The following PTPRN2 variants were observed in gnomAD, a reference collection of about 807,000 sequenced individuals.
PTPRN2 encodes the protein protein tyrosine phosphatase receptor type N2.
PTPRN2 carries 74 observed loss-of-function variants against 118.8 expected under a neutral mutation model. That is an observed-to-expected ratio of 0.62 (90% CI 0.52 to 0.76). The LOEUF (loss-of-function observed/expected upper bound fraction) is 0.76, where lower values mean the gene tolerates loss of function less well. Among genes scored for constraint, PTPRN2 ranks in the 30% least tolerant of loss-of-function variants. The pLI is 0.00. For missense variants in PTPRN2, 1,481 were observed against 1,394.4 expected (o/e 1.06, Z -0.99); for synonymous variants, 641 against 608.0 (o/e 1.05, Z -0.80).
chr7:158,413,054 TTCTCAGCTCCAGGGCCCG>T lies in PTPRN2; in HGVS notation c.163+76663_163+76680del, dbSNP rs1283253167. Among the ~76,000 whole-genome samples the T allele has an allele frequency of 6.0e-3, 887 of 147,406 alleles. 4 individuals are homozygous for T. The highest frequency in any genetic ancestry group is 0.011 in the Admixed American group (166 of 14,838). ...CAGCTCCAGGGCCCATCCAGTGCCC[TTCTCAGCTCCAGGGCCCG>T]TCTCAGCGCCCTCCTCAGCTCCAGG... is the stretch of plus-strand genomic sequence containing the variant. On this transcript the variant is annotated intron_variant, in intron 2 of 22. Transcript: ENST00000389418.
At chr7:157,657,455 C>A (rs534858975) in intron 13 of PTPRN2, among the ~76,000 whole-genome samples, 38 of 112,344 alleles carry the variant, frequency 3.4e-4, no homozygotes, top group African/African-American at 1.3e-3. Flanking sequence ...ACACATCACA[C>A]ATATACACAC....
Position 157,881,435 on chromosome 7 carries a change from AC to A in PTPRN2, c.1788+17237del, listed in dbSNP as rs1392872443. On this transcript the variant is annotated intron_variant, in intron 12 of 22. Transcript: ENST00000389418. This position sits in a 1 kb window ranked among gnomAD's most constrained non-coding sequence, Gnocchi z 4.7. ...GCCCAGGAGAGAGGCCTTGGGAGAG[AC>A]CAGCCCTGCCCACACCTTGATCTTG... Among the ~76,000 whole-genome samples, 1 of 152,108 alleles carries A rather than the reference AC, an allele frequency of 6.6e-6. No individual in the cohort carries two copies. Among genetic ancestry groups the A allele is most frequent in the Non-Finnish European group, 1.5e-5 (1 of 68,016 alleles).
At chr7:158,085,803 CAT>C (rs1813344664) in intron 10 of PTPRN2, among the ~76,000 whole-genome samples, 2 of 127,172 alleles carry the variant, frequency 1.6e-5, no homozygotes, top group Non-Finnish European at 1.7e-5. Context: ...CCCATCCACA[CAT>C]GCCCATCCAC....
At chr7:158,571,525 CTT>C (rs552051165) in intron 1 of PTPRN2, among the ~76,000 whole-genome samples, 1,694 of 71,720 alleles carry the variant, frequency 0.024, 24 homozygotes, top group African/African-American at 0.071. Flanking sequence ...ACACCTATTT[CTT>C]TTTTTTTTTT....
intron 11 of PTPRN2, among the ~76,000 whole-genome samples, chr7:158,074,264 C>A (rs1812175871): frequency 2.0e-5 from 3 of 152,204 alleles, no homozygotes; most frequent in Admixed American, 1.3e-4. Context: ...CAGCCTCCTG[C>A]CGACGATCCC....
chr7:158,322,155 G>A (rs1054038291), intron 2 of PTPRN2, among the ~76,000 whole-genome samples: 9 of 151,988 alleles, frequency 5.9e-5, no homozygotes, highest in East Asian at 1.9e-4. Flanking sequence ...GGCTGCCTCC[G>A]CCCCACACCC....
chr7:158,179,945 A>G (rs1336691138), intron 5 of PTPRN2, among the ~76,000 whole-genome samples: 4 of 152,258 alleles, frequency 2.6e-5, no homozygotes, highest in African/African-American at 2.4e-5. Flanking sequence ...GTAGCTATAA[A>G]TATGACTGCA....
At chr7:157,989,422 AAAAAG>A (rs1427405072) in intron 11 of PTPRN2, among the ~76,000 whole-genome samples, 8 of 152,328 alleles carry the variant, frequency 5.3e-5, no homozygotes, top group African/African-American at 1.7e-4. Context: ...ACACCTTAGA[AAAAAG>A]AAAAGAAAAG....
intron 22 of PTPRN2, among the ~76,000 whole-genome samples, chr7:157,542,501 C>A (rs183525433): frequency 2.2e-4 from 34 of 151,664 alleles, no homozygotes; most frequent in Admixed American, 7.2e-4. Context: ...AAGCGCTCCA[C>A]CCCCAGGGCC....
intron 2 of PTPRN2, among the ~76,000 whole-genome samples, chr7:158,400,578 C>G (rs1812858560): frequency 6.6e-6 from 1 of 152,190 alleles, no homozygotes; most frequent in Admixed American, 6.5e-5. Context: ...AACAAGAACA[C>G]AAGATGCGCT....
At chr7:158,350,989 G>A (rs971072319) in intron 2 of PTPRN2, among the ~76,000 whole-genome samples, 31 of 152,128 alleles carry the variant, frequency 2.0e-4, no homozygotes, top group Non-Finnish European at 4.6e-4. Context: ...TGCCAGTTCC[G>A]TCAACTGCCT....
At chr7:158,326,052 A>G (rs1803490898) in intron 2 of PTPRN2, among the ~76,000 whole-genome samples, 1 of 152,156 alleles carries the variant, frequency 6.6e-6, no homozygotes, top group African/African-American at 2.4e-5. Flanking sequence ...CTCAGGGCGC[A>G]CTTTCCAGAG....
intron 1 of PTPRN2, among the ~76,000 whole-genome samples, chr7:158,490,232 C>T (rs1821345891): frequency 6.6e-6 from 1 of 152,208 alleles, no homozygotes; most frequent in Non-Finnish European, 1.5e-5. Flanking sequence ...ACGAGCTCCG[C>T]GGGGAGCCCG....
chr7:157,561,841 G>T (rs1456322505), intron 21 of PTPRN2, among the ~76,000 whole-genome samples: 1 of 152,244 alleles, frequency 6.6e-6, no homozygotes, highest in Non-Finnish European at 1.5e-5. Flanking sequence ...GGAGGATGGG[G>T]CTTCTCTGTT....
chr7:157,826,609 C>A (rs141980647), intron 12 of PTPRN2, among the ~76,000 whole-genome samples: 1 of 152,202 alleles, frequency 6.6e-6, no homozygotes, highest in South Asian at 2.1e-4. Flanking sequence ...CATTTCCACG[C>A]GTGCTGTGCT....
intron 9 of PTPRN2, among the ~76,000 whole-genome samples, chr7:158,126,964 GC>G (rs1190149405): frequency 6.6e-6 from 1 of 152,184 alleles, no homozygotes; most frequent in African/African-American, 2.4e-5. Flanking sequence ...GCACGCAGCA[GC>G]CCCTAACGGT....
intron 9 of PTPRN2, among the ~76,000 whole-genome samples, chr7:158,113,263 G>C (rs920127134): frequency 6.6e-6 from 1 of 152,146 alleles, no homozygotes; most frequent in Non-Finnish European, 1.5e-5. Flanking sequence ...CAAGGCTGTA[G>C]GGACCTGCAG....
chr7:157,807,890 G>A (rs980307613), intron 12 of PTPRN2, among the ~76,000 whole-genome samples: 3 of 152,186 alleles, frequency 2.0e-5, no homozygotes, highest in Non-Finnish European at 4.4e-5. Context: ...TGTTTACGTG[G>A]GTTACCCTAC....
chr7:157,652,457 C>T (rs1038827672), intron 14 of PTPRN2, among the ~76,000 whole-genome samples: 6 of 152,258 alleles, frequency 3.9e-5, no homozygotes, highest in Non-Finnish European at 7.3e-5. Flanking sequence ...TCAGCTCTGA[C>T]ACCTTGCTGA....
Sources: allele counts gnomAD v4.1 joint callset (sites outside exome capture counted in the v4.1 genomes callset), GRCh38; gene constraint gnomAD v4.1.1; non-coding constraint Gnocchi (gnomAD v3.1); transcripts MANE v1.5; gene names NCBI Gene and HGNC (gene_info 2026-07-23, HGNC 2026-07-21).